ABCA13: variants seen among roughly 807,000 people sequenced by gnomAD.
ABCA13 encodes the protein ATP binding cassette subfamily A member 13, also known as ATP-binding cassette sub-family A member 13.
Under a neutral mutation model 478.7 loss-of-function variants are expected in ABCA13, and 476 were observed. The observed-to-expected ratio is 0.99, with a 90% CI of 0.92 to 1.07. The LOEUF is 1.07. ABCA13 is among the 50% of genes least tolerant of loss of function. ABCA13 has a pLI of 0.00. For missense variants in ABCA13, 6,060 were observed against 5,910.6 expected (o/e 1.03, Z -0.83); for synonymous variants, 2,252 against 2,158.9 (o/e 1.04, Z -1.20).
intron 48 of ABCA13, among the ~76,000 whole-genome samples, chr7:48,500,401 G>A (rs1830641514): frequency 6.6e-6 from 1 of 151,984 alleles, no homozygotes; most frequent in South Asian, 2.1e-4. Context: ...GCTTCCACCT[G>A]TGTCTTGTTT....
chr7:48,611,635 G>A (rs1433158132), intron 58 of ABCA13, among the ~76,000 whole-genome samples: 1 of 152,076 alleles, frequency 6.6e-6, no homozygotes, highest in Non-Finnish European at 1.5e-5. Context: ...TAAACAAACA[G>A]ATCTCACAAG....
At chr7:48,624,618 C>T (rs955622991) in intron 59 of ABCA13, among the ~76,000 whole-genome samples, 12 of 151,728 alleles carry the variant, frequency 7.9e-5, no homozygotes, top group Non-Finnish European at 1.5e-4. Flanking sequence ...TGCAATGACA[C>T]GATCTCGGCT....
intron 48 of ABCA13, among the ~76,000 whole-genome samples, chr7:48,490,709 G>GATAATTGTTGATTATTGAT (rs1286241473): frequency 6.6e-6 from 1 of 152,206 alleles, no homozygotes; most frequent in Non-Finnish European, 1.5e-5. Flanking sequence ...AATGTAGAGG[G>GATAATTGTTGATTATTGAT]ATAATTGTTG....
intron 31 of ABCA13, among the ~76,000 whole-genome samples, chr7:48,363,987 T>C (rs749290629): frequency 6.6e-6 from 1 of 152,204 alleles, no homozygotes; most frequent in Non-Finnish European, 1.5e-5. Flanking sequence ...ATTATGCAAC[T>C]CTCAATCTCT....
chr7:48,465,524 CTTTTTT>C (rs71552482), intron 43 of ABCA13, among the ~76,000 whole-genome samples: 1 of 134,466 alleles, frequency 7.4e-6, no homozygotes, highest in East Asian at 2.1e-4. Flanking sequence ...TTTCTTCTTT[CTTTTTT>C]TTTTTTTTTG....
chr7:48,174,145 G>A (rs1185420250), intron 1 of ABCA13, among the ~76,000 whole-genome samples: 2 of 152,074 alleles, frequency 1.3e-5, no homozygotes, highest in African/African-American at 2.4e-5. Context: ...CTTTGTTTTT[G>A]AACTATGAAA....
At chr7:48,483,685 A>G (rs1216481487) in intron 47 of ABCA13, among the ~76,000 whole-genome samples, 1 of 152,206 alleles carries the variant, frequency 6.6e-6, no homozygotes, top group Non-Finnish European at 1.5e-5. Context: ...TTCAGCTTTG[A>G]GAGAATGAGG....
chr7:48,277,881 G>A (rs1796506836), intron 17 of ABCA13, among the ~76,000 whole-genome samples: 2 of 151,968 alleles, frequency 1.3e-5, no homozygotes, highest in African/African-American at 4.8e-5. Flanking sequence ...AACAGAATTT[G>A]TTCATGAAAT....
intron 3 of ABCA13, among the ~76,000 whole-genome samples, chr7:48,218,576 T>A (rs1220382210): frequency 6.6e-6 from 1 of 152,140 alleles, no homozygotes; most frequent in African/African-American, 2.4e-5. Flanking sequence ...TTCTGTTGAG[T>A]GTACGTAGCA....
intron 5 of ABCA13, among the ~76,000 whole-genome samples, chr7:48,226,570 T>G (rs1788233948): frequency 6.6e-6 from 1 of 152,206 alleles, no homozygotes; most frequent in Admixed American, 6.5e-5. Flanking sequence ...AAATGGGAAC[T>G]AGGCAGCAAG....
At chr7:48,286,642 T>C (rs1423252121) in intron 19 of ABCA13, among the ~76,000 whole-genome samples, 3 of 151,900 alleles carry the variant, frequency 2.0e-5, no homozygotes, top group Non-Finnish European at 2.9e-5. Context: ...GTAGCTGGGA[T>C]TACAGGTGCC....
At chr7:48,315,352 G>A (rs891536051) in intron 26 of ABCA13, among the ~76,000 whole-genome samples, 4 of 152,088 alleles carry the variant, frequency 2.6e-5, no homozygotes, top group African/African-American at 9.7e-5. Context: ...TACATATCGT[G>A]ACTATACTTT....
chr7:48,603,365 T>G (rs1387917414), intron 58 of ABCA13, among the ~76,000 whole-genome samples: 1 of 152,114 alleles, frequency 6.6e-6, no homozygotes, highest in Non-Finnish European at 1.5e-5. Flanking sequence ...TGCCTGTGGG[T>G]TTTTCATAAA....
intron 20 of ABCA13, 80 bp downstream of exon 20, chr7:48,288,158 G>A (rs1798023942): frequency 7.7e-7 from 1 of 1,291,830 alleles, no homozygotes; most frequent in African/African-American, 1.5e-5. Context: ...ATTCAAACTT[G>A]CTGCTTCGTT....
chr7:48,441,099 A>G (rs995261546), intron 42 of ABCA13, among the ~76,000 whole-genome samples: 1 of 152,172 alleles, frequency 6.6e-6, no homozygotes, highest in African/African-American at 2.4e-5. Context: ...ACATTTGCCA[A>G]TTTTATTATA....
At position 48,528,268 on chromosome 7, in the gene ABCA13, G is replaced by A. The variant is rs753176616; in HGVS notation, c.14277G>A (p.Gly4759=). The change falls in exon 55 of 62, where the codon GGG becomes GGA. Residue 4759 remains glycine, a synonymous_variant. Transcript: ENST00000435803. ...GACTTCTAGGGGTGAATGGAGCTGG[G>A]AAGAGCACGACTTTCAAAATGCTGA... ...CFGLLGVNGA[G]KSTTFKMLNG... is the part of the protein sequence containing the mutation. The A allele has an allele frequency of 1.0e-5, 16 of 1,578,270 alleles. No individual in the cohort carries two copies. The highest frequency in any genetic ancestry group is 3.7e-5 in the Admixed American group (2 of 54,762).
intron 43 of ABCA13, among the ~76,000 whole-genome samples, chr7:48,464,039 C>A (rs1826593991): frequency 6.6e-6 from 1 of 152,082 alleles, no homozygotes; most frequent in African/African-American, 2.4e-5. Flanking sequence ...CACTCTGGTG[C>A]ACAATAAATT....
chr7:48,326,874 T>C (rs899602612), intron 27 of ABCA13, among the ~76,000 whole-genome samples: 29 of 152,128 alleles, frequency 1.9e-4, no homozygotes, highest in African/African-American at 6.5e-4. Flanking sequence ...AGCTGCCAAA[T>C]TGGAATATCG....
chr7:48,403,207 A>C (rs1817834612), intron 38 of ABCA13, among the ~76,000 whole-genome samples: 1 of 152,220 alleles, frequency 6.6e-6, no homozygotes. Context: ...ATCTGCATTA[A>C]TCAGGAAGGT....
Sources: allele counts gnomAD v4.1 joint callset (sites outside exome capture counted in the v4.1 genomes callset), GRCh38; gene constraint gnomAD v4.1.1; transcripts MANE v1.5; gene names NCBI Gene and HGNC (gene_info 2026-07-23, HGNC 2026-07-21).